The following SDC2 variants were observed in gnomAD, a reference collection of about 807,000 sequenced individuals.
SDC2 encodes the protein syndecan 2.
A neutral mutation model predicts 22.2 loss-of-function variants in SDC2; 13 were observed. The observed-to-expected ratio is 0.59, with a 90% CI of 0.38 to 0.93. The LOEUF (loss-of-function observed/expected upper bound fraction) is 0.93, where lower values mean the gene tolerates loss of function less well. Ranked by LOEUF, SDC2 falls within the 40% of genes least tolerant of loss-of-function variation. The probability of loss-of-function intolerance (pLI) is 0.00; values close to 1 mark genes in which losing one functional copy is unlikely to be tolerated. For missense variants in SDC2, 235 were observed against 246.8 expected (o/e 0.95, Z 0.32); for synonymous variants, 94 against 92.8 (o/e 1.01, Z -0.07).
chr8:96,586,464 C>T (rs184499346), intron 1 of SDC2: 4 of 152,322 alleles, frequency 2.6e-5, no homozygotes, highest in East Asian at 3.9e-4. Context: ...TCAAGGAACT[C>T]GCTTTCTCAG....
intron 1 of SDC2, among the ~76,000 whole-genome samples, chr8:96,576,368 G>GTTTTTTTTTTTTTTTTTT (rs1481198542): frequency 7.8e-4 from 13 of 16,594 alleles, no homozygotes; most frequent in African/African-American, 1.6e-3. Context: ...TTGGTAGTTT[G>GTTTTTTTTTTTTTTTTTT]TTTTTGTTTT....
At chr8:96,609,342 C>G (rs752746507) in intron 4 of SDC2, 43 bp from the exon 5 acceptor site, 1 of 1,526,502 alleles carries the variant, frequency 6.6e-7, no homozygotes, top group Non-Finnish European at 8.9e-7. Context: ...TGTCTGCAAC[C>G]CTTGAATCTC....
chr8:96,590,460 G>A (rs1814761797), intron 1 of SDC2, among the ~76,000 whole-genome samples: 1 of 152,110 alleles, frequency 6.6e-6, no homozygotes, highest in East Asian at 1.9e-4. Context: ...TGTAAAATCG[G>A]TAGTTTCGAA....
chr8:96,599,621 T>C (rs1804677043), intron 2 of SDC2, among the ~76,000 whole-genome samples: 1 of 152,196 alleles, frequency 6.6e-6, no homozygotes, highest in Non-Finnish European at 1.5e-5. Flanking sequence ...ATATGTACCT[T>C]CGTGGGTTAG....
chr8:96,575,820 G>T (rs773456916), intron 1 of SDC2, among the ~76,000 whole-genome samples: 1 of 152,148 alleles, frequency 6.6e-6, no homozygotes, highest in Non-Finnish European at 1.5e-5. Context: ...ATAGAAAAAT[G>T]ATTTCTGTTC....
chr8:96,545,615 G>T (rs1813918976), intron 1 of SDC2, among the ~76,000 whole-genome samples: 1 of 152,230 alleles, frequency 6.6e-6, no homozygotes. Context: ...CCAGCTTTCA[G>T]TGGAAGATTA....
chr8:96,522,233 A>G (rs1813507741), intron 1 of SDC2, among the ~76,000 whole-genome samples: 1 of 152,222 alleles, frequency 6.6e-6, no homozygotes, highest in Non-Finnish European at 1.5e-5. Context: ...GTAGGAAAAA[A>G]AGTCTTGCCT....
intron 1 of SDC2, among the ~76,000 whole-genome samples, chr8:96,562,138 G>C (rs1372223289): frequency 1.3e-5 from 2 of 152,084 alleles, no homozygotes; most frequent in African/African-American, 4.8e-5. Context: ...GTTACATGTA[G>C]GTCTGTGATC....
chr8:96,576,379 G>GGTT, intron 1 of SDC2, among the ~76,000 whole-genome samples: 1 of 47,564 alleles, frequency 2.1e-5, no homozygotes, highest in Non-Finnish European at 3.9e-5. Flanking sequence ...TTTTTGTTTT[G>GGTT]TTTTGTTTTT....
chr8:96,527,196 G>A (rs549148518), intron 1 of SDC2, among the ~76,000 whole-genome samples: 8 of 152,212 alleles, frequency 5.3e-5, no homozygotes, highest in African/African-American at 1.4e-4. Flanking sequence ...AAGAGAGACC[G>A]TGCTTAGGGA....
chr8:96,576,093 A>G (rs1408825126), intron 1 of SDC2, among the ~76,000 whole-genome samples: 1 of 152,094 alleles, frequency 6.6e-6, no homozygotes, highest in Non-Finnish European at 1.5e-5. Context: ...ACACACAAAT[A>G]CATCATGCAG....
intron 1 of SDC2, among the ~76,000 whole-genome samples, chr8:96,565,683 C>T (rs1024643331): frequency 6.6e-6 from 1 of 152,076 alleles, no homozygotes; most frequent in Non-Finnish European, 1.5e-5. Context: ...TCCAGTCATA[C>T]CTGCATTACA....
intron 3 of SDC2, among the ~76,000 whole-genome samples, chr8:96,604,476 CTGATAA>C (rs1362510249): frequency 6.6e-6 from 1 of 152,122 alleles, no homozygotes; most frequent in Non-Finnish European, 1.5e-5. Flanking sequence ...GTTTGCAGCA[CTGATAA>C]TGATAATATT....
At chr8:96,537,619 AAATT>A (rs1442635201) in intron 1 of SDC2, among the ~76,000 whole-genome samples, 6 of 152,228 alleles carry the variant, frequency 3.9e-5, no homozygotes, top group African/African-American at 1.4e-4. Flanking sequence ...AAGTTAAAAG[AAATT>A]AATAATTTTT....
intron 1 of SDC2, among the ~76,000 whole-genome samples, chr8:96,569,237 G>A (rs538634952): frequency 9.2e-5 from 14 of 152,278 alleles, no homozygotes; most frequent in African/African-American, 2.2e-4. Flanking sequence ...TTGAACTCCC[G>A]GCCTCGAGCC....
Position 96,582,393 on chromosome 8 carries a change from G to A in SDC2, c.61-11087G>A, listed in dbSNP as rs148601676. Reference sequence around the variant, plus strand: ...GGTGCTAGGTATTAAAAACCCTACCGTTCAGAACAGTTTCTTTTAACTTCA... The same window carrying A: ...GGTGCTAGGTATTAAAAACCCTACCATTCAGAACAGTTTCTTTTAACTTCA... On this transcript the variant is annotated intron_variant, in intron 1 of 4. Transcript: ENST00000302190. Among the ~76,000 whole-genome samples, 421 of 152,220 alleles carry A rather than the reference G, an allele frequency of 2.8e-3. 4 individuals carry two copies. The Middle Eastern group carries it at 0.071, about 26-fold the overall frequency.
intron 1 of SDC2, among the ~76,000 whole-genome samples, chr8:96,538,404 A>G (rs1481055430): frequency 1.0e-5 from 1 of 97,638 alleles, no homozygotes; most frequent in Non-Finnish European, 2.9e-5. Flanking sequence ...AGTACTAAAG[A>G]TAAAAAAAAG....
At position 96,509,900 on chromosome 8, in the gene SDC2, AGT is replaced by A. The variant is rs780807098; in HGVS notation, c.60+15572_60+15573del. Among the ~76,000 whole-genome samples the A allele has an allele frequency of 1.1e-4, 17 of 152,246 alleles. No homozygotes were observed. The East Asian group carries it at 1.9e-3, about 17-fold the overall frequency. On this transcript the variant is annotated intron_variant, in intron 1 of 4. Transcript: ENST00000302190. ...CCCTTCCAGCTTTTTCCTTTTCTCC[AGT>A]GTCTTTTCTGCTGGATCATACTTTT...
chr8:96,592,852 A>G (rs2651475), intron 1 of SDC2, among the ~76,000 whole-genome samples: 29,548 of 152,256 alleles, frequency 0.19, 3,368 homozygotes, highest in South Asian at 0.36. Context: ...TCTCCCTGTC[A>G]GGTGAGCCTC....
Sources: allele counts gnomAD v4.1 joint callset (sites outside exome capture counted in the v4.1 genomes callset), GRCh38; gene constraint gnomAD v4.1.1; transcripts MANE v1.5; gene names NCBI Gene and HGNC (gene_info 2026-07-23, HGNC 2026-07-21).